NMT2: variants seen among roughly 807,000 people sequenced by gnomAD.
NMT2 encodes glycylpeptide N-tetradecanoyltransferase 2.
NMT2 carries 35 observed loss-of-function variants against 65.4 expected under a neutral mutation model. The observed-to-expected ratio is 0.54, with a 90% CI of 0.41 to 0.71. The LOEUF is 0.71. Among genes scored for constraint, NMT2 ranks in the 30% least tolerant of loss-of-function variants. The probability of loss-of-function intolerance (pLI) is 0.00; values close to 1 mark genes in which losing one functional copy is unlikely to be tolerated. For synonymous variants in NMT2, 226 were observed against 231.8 expected (o/e 0.98, Z 0.23); for missense variants, 489 against 611.3 (o/e 0.80, Z 2.11).
intron 1 of NMT2, among the ~76,000 whole-genome samples, chr10:15,164,203 A>G (rs1833301021): frequency 1.3e-5 from 2 of 151,608 alleles, no homozygotes; most frequent in Non-Finnish European, 2.9e-5. Context: ...AAAAAAAAAA[A>G]AAAGGTCTTA....
At chr10:15,113,629 GC>G (rs1845651148) in intron 9 of NMT2, among the ~76,000 whole-genome samples, 2 of 152,164 alleles carry the variant, frequency 1.3e-5, no homozygotes, top group East Asian at 3.9e-4. Flanking sequence ...GGATTAGAGG[GC>G]TGCCTTCTCC....
chr10:15,155,546 T>G (rs1368317073), intron 1 of NMT2, among the ~76,000 whole-genome samples: 10 of 132,964 alleles, frequency 7.5e-5, no homozygotes, highest in Middle Eastern at 3.6e-3. Context: ...TTTTTTTTTT[T>G]TTTTTTTTTT....
In NMT2 at chr10:15,132,440, T is replaced by C. The variant is rs567085166; in HGVS notation, c.719+377A>G. Among the ~76,000 whole-genome samples the C allele has an allele frequency of 3.3e-5, 5 of 152,266 alleles. No individual in the cohort carries two copies. In the South Asian group the frequency reaches 1.0e-3, roughly 32 times the overall value. ...GTCATTTTTATTTTTATTTTTATTT[T>C]TTTTGAGATGGAGTTTCGCTCATGT... On this transcript the variant is annotated intron_variant, in intron 6 of 11. Transcript: ENST00000378165.
intron 9 of NMT2, 24 bp from the exon 10 acceptor site, chr10:15,112,987 CAG>C: frequency 6.2e-7 from 1 of 1,612,126 alleles, no homozygotes; most frequent in African/African-American, 1.3e-5. Context: ...TGCTGTCAGA[CAG>C]AGATCTCCTT....
chr10:15,109,083 T>G lies in NMT2; in HGVS notation c.*112A>C. 6.5e-7 allele frequency: 1 copy of G among 1,541,968 alleles called. No homozygotes were observed. The highest frequency in any genetic ancestry group is 8.7e-7 in the Non-Finnish European group (1 of 1,153,750). Reference sequence around the variant, plus strand: ...TTTGTCATCTTTTCTGATTATCGACTACTTCAATTTCACTTGAGTTGTGCT... The same window carrying G: ...TTTGTCATCTTTTCTGATTATCGACGACTTCAATTTCACTTGAGTTGTGCT... On this transcript the variant is annotated 3_prime_UTR_variant, in exon 12 of 12. Transcript: ENST00000378165.
At chr10:15,119,632 G>A in intron 8 of NMT2, 119 bp from the exon 9 acceptor site, 1 of 730,932 alleles carries the variant, frequency 1.4e-6, no homozygotes, top group African/African-American at 1.8e-5. Context: ...GAGCTAGTTA[G>A]AGCTGCAGAG....
At chr10:15,124,331 G>A (rs983990663) in intron 8 of NMT2, among the ~76,000 whole-genome samples, 5 of 152,200 alleles carry the variant, frequency 3.3e-5, no homozygotes, top group Admixed American at 1.3e-4. Context: ...TGTGAATGGC[G>A]CAGGCCCTGC....
chr10:15,137,875 T>C (rs554044062), intron 2 of NMT2, among the ~76,000 whole-genome samples: 1 of 152,296 alleles, frequency 6.6e-6, no homozygotes, highest in South Asian at 2.1e-4. Flanking sequence ...TGAAGAAGAC[T>C]TCAGAGTGAT....
chr10:15,112,790 G>C lies in NMT2; in HGVS notation c.1338+6C>G. 1.2e-6 allele frequency: 2 copies of C among 1,607,052 alleles called. No homozygotes were observed. The highest frequency in any genetic ancestry group is 1.7e-6 in the Non-Finnish European group (2 of 1,176,398). On this transcript the variant is annotated splice_donor_region_variant and intron_variant, in intron 10 of 11. Coordinates refer to ENST00000378165, the MANE Select transcript of NMT2 (RefSeq NM_004808.3). ...CAAACGGCGTGAACAGGAAGGAGTG[G>C]CTTACCGATTTAGCCAGGATGAGCG... is the stretch of plus-strand genomic sequence containing the variant.
Position 15,106,937 on chromosome 10 carries a change from C to T in NMT2, c.*2258G>A, listed in dbSNP as rs1018501621. ...GAAACATAGCAAGACCTTGTCTCTA[C>T]AAAAAATGAAAAACTTAGCCAGGCG... On this transcript the variant is annotated 3_prime_UTR_variant, in exon 12 of 12. Coordinates refer to ENST00000378165, the MANE Select transcript of NMT2 (RefSeq NM_004808.3). Among the ~76,000 whole-genome samples the T allele has an allele frequency of 6.6e-6, 1 of 152,076 alleles. No individual in the cohort carries two copies. Among genetic ancestry groups the T allele is most frequent in the East Asian group, 1.9e-4 (1 of 5,184 alleles).
At chr10:15,168,266 G>A (rs1362360157) in intron 1 of NMT2, 2 of 415,606 alleles carry the variant, frequency 4.8e-6, no homozygotes, top group Non-Finnish European at 8.5e-6. Flanking sequence ...TGACAGTAGC[G>A]TCTCCCCGCC....
chr10:15,108,230 C>T lies in NMT2; in HGVS notation c.*965G>A, dbSNP rs1388116082. 1.0e-5 allele frequency: 10 copies of T among 972,714 alleles called. No individual in the cohort carries two copies. The highest frequency in any genetic ancestry group is 1.2e-5 in the Non-Finnish European group (10 of 818,748). The allele number at this position is 972,714 out of a possible 1,614,324, so 60.3% of individuals were successfully genotyped here. On this transcript the variant is annotated 3_prime_UTR_variant, in exon 12 of 12. Coordinates refer to ENST00000378165, the MANE Select transcript of NMT2 (RefSeq NM_004808.3). ...AGACGGAGTCTCACGCTCTGTCACC[C>T]AGGCTGGAGTGCAGTGGCTCGATCT...
intron 2 of NMT2, 140 bp from the exon 3 acceptor site, chr10:15,135,558 CT>C: frequency 1.3e-6 from 1 of 799,872 alleles, no homozygotes; most frequent in Non-Finnish European, 2.0e-6. Context: ...AGGCCATGGG[CT>C]TGTGTGTTAC....
Position 15,108,726 on chromosome 10 carries a change from A to C in NMT2, c.*469T>G. On this transcript the variant is annotated 3_prime_UTR_variant, in exon 12 of 12. Coordinates refer to ENST00000378165, the MANE Select transcript of NMT2 (RefSeq NM_004808.3). ...ATAAATGTTCCCAGTGATACCATGT[A>C]AGGTGATACCAGTAAAAAAAATTTC... The C allele has an allele frequency of 9.8e-7, 1 of 1,015,242 alleles. No homozygotes were observed. The allele number at this position is 1,015,242 out of a possible 1,614,324, so 62.9% of individuals were successfully genotyped here. A position where few individuals can be genotyped will look rare whatever the true frequency, so the allele number is the denominator to read the frequency against.
chr10:15,166,457 C>T (rs1833380470), intron 1 of NMT2, among the ~76,000 whole-genome samples: 1 of 152,116 alleles, frequency 6.6e-6, no homozygotes, highest in Non-Finnish European at 1.5e-5. Flanking sequence ...TAAAGAAAAC[C>T]TAGGTTTCTA....
At chr10:15,166,653 A>C (rs1833386391) in intron 1 of NMT2, among the ~76,000 whole-genome samples, 1 of 152,210 alleles carries the variant, frequency 6.6e-6, no homozygotes, top group African/African-American at 2.4e-5. Context: ...ACTAGAAGCT[A>C]TTAACATGGT....
Position 15,107,591 on chromosome 10 carries a change from A to C in NMT2, c.*1604T>G, listed in dbSNP as rs1465671874. Reference sequence around the variant, plus strand: ...CCTCAGCCTCCTAGCAGCTGGGATTACAGGCACCCGCCACCACACCCAGCT... The same window carrying C: ...CCTCAGCCTCCTAGCAGCTGGGATTCCAGGCACCCGCCACCACACCCAGCT... On this transcript the variant is annotated 3_prime_UTR_variant, in exon 12 of 12. Transcript: ENST00000378165. The C allele has an allele frequency of 2.2e-6, 1 of 452,144 alleles. No homozygotes were observed. The highest frequency in any genetic ancestry group is 2.9e-6 in the Non-Finnish European group (1 of 343,074). 28.0% of individuals were successfully genotyped at this position (452,144 alleles called of 1,614,324 possible).
At chr10:15,127,792 A>G in intron 8 of NMT2, among the ~76,000 whole-genome samples, 1 of 151,100 alleles carries the variant, frequency 6.6e-6, no homozygotes, top group East Asian at 1.9e-4. Flanking sequence ...AGTCCCAGCT[A>G]CTTGGGAGGC....
At position 15,135,259 on chromosome 10, in the gene NMT2, A is replaced by G; in HGVS notation, c.391+15T>C. On this transcript the variant is annotated intron_variant, in intron 3 of 11. Transcript: ENST00000378165. Reference sequence around the variant, plus strand: ...TTGTTTGTGGGGAAAAAAAGAGAAAAGCAGAAAAACTTACCTAGTTTTGGT... The same window carrying G: ...TTGTTTGTGGGGAAAAAAAGAGAAAGGCAGAAAAACTTACCTAGTTTTGGT... 4 of 1,613,448 alleles carry G rather than the reference A, an allele frequency of 2.5e-6. No homozygotes were observed. Among genetic ancestry groups the G allele is most frequent in the Non-Finnish European group, 3.4e-6 (4 of 1,179,870 alleles).
Sources: gnomAD v4.1 joint callset for allele counts (sites outside exome capture counted in the v4.1 genomes callset) on GRCh38, gnomAD v4.1.1 for gene constraint, MANE v1.5 for transcripts, NCBI Gene and HGNC (gene_info 2026-07-23, HGNC 2026-07-21) for gene names.